The following SUGCT variants were observed in gnomAD, a reference collection of about 807,000 sequenced individuals.
SUGCT encodes succinyl-CoA:glutarate-CoA transferase, also known as succinyl-CoA:glutarate CoA-transferase.
A neutral mutation model predicts 55.0 loss-of-function variants in SUGCT; 41 were observed. The ratio of observed to expected loss-of-function variants is 0.74; its 90% CI spans 0.58 to 0.97. The LOEUF (loss-of-function observed/expected upper bound fraction) is 0.97, where lower values mean the gene tolerates loss of function less well. SUGCT is among the 50% of genes least tolerant of loss of function. The pLI, the probability that SUGCT is intolerant of heterozygous loss-of-function variation, is 0.00. For synonymous variants in SUGCT, 187 were observed against 200.4 expected (o/e 0.93, Z 0.56); for missense variants, 568 against 547.8 (o/e 1.04, Z -0.37).
At chr7:41,005,516 C>G in the SUGCT span, among the ~76,000 whole-genome samples, 2 of 152,112 alleles carry the variant, frequency 1.3e-5, no homozygotes, top group Non-Finnish European at 2.9e-5. Context: ...TCCAGCTGTT[C>G]CAAAAGCTGG....
chr7:40,274,443 G>A, intron 7 of SUGCT, 70 bp from the exon 8 acceptor site: 1 of 1,518,124 alleles, frequency 6.6e-7, no homozygotes. Flanking sequence ...CACATTAGAA[G>A]ATTTGAGAAA....
At position 40,742,115 on chromosome 7, in the gene SUGCT, A is replaced by G. The variant is rs11975262; in HGVS notation, c.1090-7319A>G. Among the ~76,000 whole-genome samples the G allele has an allele frequency of 1.2e-3, 186 of 152,308 alleles. 1 individual carries two copies. Among genetic ancestry groups the G allele is most frequent in the African/African-American group, 4.3e-3 (178 of 41,564 alleles). On this transcript the variant is annotated intron_variant, in intron 12 of 13. Transcript: ENST00000335693. ...TGTGTATATTATGTACATTATATGTATACACACTATATATATGCACACACA... is the reference window on the plus strand; with the variant it reads ...TGTGTATATTATGTACATTATATGTGTACACACTATATATATGCACACACA...
chr7:40,741,346 G>T (rs890034103), intron 12 of SUGCT, among the ~76,000 whole-genome samples: 4 of 152,070 alleles, frequency 2.6e-5, no homozygotes, highest in African/African-American at 9.7e-5. Context: ...TTTCATTTAA[G>T]AGGAAATGCA....
At chr7:40,662,436 A>G (rs1801376878) in intron 12 of SUGCT, among the ~76,000 whole-genome samples, 1 of 152,212 alleles carries the variant, frequency 6.6e-6, no homozygotes, top group South Asian at 2.1e-4. Flanking sequence ...TTTTATTATC[A>G]TAGGCTTCAA....
At chr7:40,858,795 CGAT>C (rs1379318635) in intron 13 of SUGCT, among the ~76,000 whole-genome samples, 1 of 152,096 alleles carries the variant, frequency 6.6e-6, no homozygotes, top group African/African-American at 2.4e-5. Flanking sequence ...GAGAAGAAAA[CGAT>C]GAATGTCACT....
At chr7:40,961,698 T>G in the SUGCT span, among the ~76,000 whole-genome samples, 1 of 152,250 alleles carries the variant, frequency 6.6e-6, no homozygotes, top group South Asian at 2.1e-4. Context: ...TGTCTGGAGT[T>G]TGTTCCTTCA....
At chr7:40,852,651 G>T (rs1277785503) in intron 13 of SUGCT, among the ~76,000 whole-genome samples, 1 of 146,784 alleles carries the variant, frequency 6.8e-6, no homozygotes, top group Non-Finnish European at 1.5e-5. Context: ...TGTTCATGCT[G>T]CCTGGAATCT....
At chr7:40,736,445 T>C (rs1417011797) in intron 12 of SUGCT, among the ~76,000 whole-genome samples, 1 of 151,586 alleles carries the variant, frequency 6.6e-6, no homozygotes, top group South Asian at 2.1e-4. Flanking sequence ...TTTGAAGACA[T>C]AATTTTTCAG....
chr7:40,173,623 T>C (rs777162482), intron 1 of SUGCT, among the ~76,000 whole-genome samples: 1 of 152,116 alleles, frequency 6.6e-6, no homozygotes, highest in African/African-American at 2.4e-5. Context: ...AATTGTATTT[T>C]AGTGAGCCCT....
chr7:40,707,690 C>T (rs909064218), intron 12 of SUGCT, among the ~76,000 whole-genome samples: 4 of 152,266 alleles, frequency 2.6e-5, no homozygotes, highest in Middle Eastern at 6.8e-3. Context: ...AACCACTTGA[C>T]CACAGGCACA....
intron 9 of SUGCT, among the ~76,000 whole-genome samples, chr7:40,361,416 T>C (rs1169730200): frequency 6.6e-6 from 1 of 151,560 alleles, no homozygotes; most frequent in Non-Finnish European, 1.5e-5. Flanking sequence ...CTACTAAAAA[T>C]ACAAAAAATT....
chr7:40,765,190 G>T (rs1371940967), intron 13 of SUGCT, among the ~76,000 whole-genome samples: 2 of 151,968 alleles, frequency 1.3e-5, no homozygotes, highest in Non-Finnish European at 2.9e-5. Flanking sequence ...ATCTTTAGTT[G>T]TGAAATTTTC....
intron 11 of SUGCT, among the ~76,000 whole-genome samples, chr7:40,480,173 C>A (rs1790949346): frequency 6.6e-6 from 1 of 152,018 alleles, no homozygotes; most frequent in South Asian, 2.1e-4. Context: ...AGTCTTTAAT[C>A]CATTGTGAGT....
At chr7:40,412,064 G>T (rs1786727886) in intron 9 of SUGCT, among the ~76,000 whole-genome samples, 1 of 152,100 alleles carries the variant, frequency 6.6e-6, no homozygotes, top group African/African-American at 2.4e-5. Context: ...TCTTTCTTCG[G>T]CTGGGCATTC....
the SUGCT span, among the ~76,000 whole-genome samples, chr7:41,004,879 G>A: frequency 6.6e-6 from 1 of 152,148 alleles, no homozygotes; most frequent in East Asian, 1.9e-4. Context: ...TGGGAAGAAA[G>A]CTCCCAAGAT....
chr7:40,468,003 T>C (rs184452270), intron 11 of SUGCT, among the ~76,000 whole-genome samples: 12 of 151,240 alleles, frequency 7.9e-5, no homozygotes, highest in African/African-American at 1.2e-4. Context: ...AGTACCTTAA[T>C]AGCCCCTATT....
At chr7:40,670,817 A>G (rs902025079) in intron 12 of SUGCT, among the ~76,000 whole-genome samples, 1 of 152,144 alleles carries the variant, frequency 6.6e-6, no homozygotes, top group Non-Finnish European at 1.5e-5. Context: ...AGCCCAGATG[A>G]TTGCAAGGGA....
intron 12 of SUGCT, among the ~76,000 whole-genome samples, chr7:40,670,111 A>T (rs1053964886): frequency 2.7e-5 from 4 of 149,090 alleles, no homozygotes; most frequent in Non-Finnish European, 4.4e-5. Flanking sequence ...CTCATCAGAC[A>T]TCATGGAAGC....
intron 12 of SUGCT, among the ~76,000 whole-genome samples, chr7:40,575,119 C>CGGGGGGGG (rs1210366162): frequency 1.0e-5 from 1 of 99,106 alleles, no homozygotes; most frequent in African/African-American, 4.6e-5. Context: ...AGGAGGGTGG[C>CGGGGGGGG]GGGGGTGGGG....
Sources: allele counts gnomAD v4.1 joint callset (sites outside exome capture counted in the v4.1 genomes callset), GRCh38; gene constraint gnomAD v4.1.1; transcripts MANE v1.5; gene names NCBI Gene and HGNC (gene_info 2026-07-23, HGNC 2026-07-21).